Variants in MYO9A observed in about 807,000 individuals in gnomAD.
MYO9A encodes myosin IXA.
A neutral mutation model predicts 293.3 loss-of-function variants in MYO9A; 103 were observed. The observed-to-expected ratio is 0.35, with a 90% CI of 0.30 to 0.41. The LOEUF (loss-of-function observed/expected upper bound fraction) is 0.41. Among genes scored for constraint, MYO9A ranks in the 10% least tolerant of loss-of-function variants. MYO9A has a pLI of 1.00. For synonymous variants in MYO9A, 1,001 were observed against 1,035.7 expected, an observed-to-expected ratio of 0.97 and a Z score of 0.64; for missense variants, 2,685 against 3,033.0, an observed-to-expected ratio of 0.89 and a Z score of 2.69.
At chr15:72,013,829 T>C (rs2077244698) in intron 6 of MYO9A, among the ~76,000 whole-genome samples, 1 of 152,202 alleles carries the variant, frequency 6.6e-6, no homozygotes, top group South Asian at 2.1e-4. Context: ...TTCTTTGAGA[T>C]GGAGTCTCAC....
At chr15:71,994,614 G>GT in intron 9 of MYO9A, 29 bp from the exon 10 acceptor site, 1 of 1,365,132 alleles carries the variant, frequency 7.3e-7, no homozygotes, top group African/African-American at 1.5e-5. Flanking sequence ...ACAAGTGCAT[G>GT]TAGAATTGAC....
chr15:71,999,773 TAA>T, intron 9 of MYO9A, 76 bp downstream of exon 9: 1 of 1,142,632 alleles, frequency 8.8e-7, no homozygotes. Flanking sequence ...TTCATGCTGT[TAA>T]GAGAAAACCC....
intron 38 of MYO9A, among the ~76,000 whole-genome samples, chr15:71,849,712 GC>G (rs1413022246): frequency 2.4e-5 from 1 of 42,538 alleles, no homozygotes; most frequent in Non-Finnish European, 1.8e-4. Context: ...AGGATTCAGA[GC>G]CATTAAGACC....
At chr15:71,926,355 G>A (rs1355493527) in intron 18 of MYO9A, among the ~76,000 whole-genome samples, 1 of 152,128 alleles carries the variant, frequency 6.6e-6, no homozygotes, top group Non-Finnish European at 1.5e-5. Context: ...CTTGAACTGA[G>A]GAGTTCAAGT....
At chr15:72,043,364 T>C (rs2078283990) in intron 2 of MYO9A, among the ~76,000 whole-genome samples, 1 of 152,190 alleles carries the variant, frequency 6.6e-6, no homozygotes, top group South Asian at 2.1e-4. Flanking sequence ...CATTGCTAGA[T>C]ATTTACTGAA....
intron 1 of MYO9A, among the ~76,000 whole-genome samples, chr15:72,103,513 A>AGCAGTG (rs1299433664): frequency 1.4e-5 from 2 of 146,332 alleles, no homozygotes; most frequent in African/African-American, 5.1e-5. Context: ...TGGCAGCAGA[A>AGCAGTG]GCAGCAGAAG....
intron 39 of MYO9A, among the ~76,000 whole-genome samples, chr15:71,845,444 C>T (rs1003345878): frequency 6.6e-6 from 1 of 152,150 alleles, no homozygotes; most frequent in African/African-American, 2.4e-5. Flanking sequence ...GCCCACAGAT[C>T]CCCAGCAAAG....
intron 2 of MYO9A, among the ~76,000 whole-genome samples, chr15:72,038,629 A>G (rs922553805): frequency 2.0e-5 from 3 of 152,174 alleles, no homozygotes; most frequent in African/African-American, 7.2e-5. Context: ...CCTTCATGAC[A>G]ACCAAAAACC....
At chr15:71,899,119 C>T in intron 24 of MYO9A, 87 bp from the exon 25 acceptor site, 1 of 1,253,738 alleles carries the variant, frequency 8.0e-7, no homozygotes, top group Non-Finnish European at 1.1e-6. Context: ...AGAAAAAATG[C>T]AGAGTTGTAA....
Position 71,935,330 on chromosome 15 carries a change from T to C in MYO9A, c.2522+11A>G. 2.5e-6 allele frequency: 4 copies of C among 1,599,430 alleles called. No individual in the cohort carries two copies. Among genetic ancestry groups the C allele is most frequent in the Non-Finnish European group, 3.4e-6 (4 of 1,173,098 alleles). On this transcript the variant is annotated intron_variant, in intron 17 of 41. Coordinates refer to ENST00000356056, the MANE Select transcript of MYO9A (RefSeq NM_006901.4). ...AACAAAAAACAATTTACATTACTGA[T>C]TAGTACTGACGTGAGAATTCCATGG...
At chr15:72,024,342 G>C (rs897387525) in intron 4 of MYO9A, among the ~76,000 whole-genome samples, 2 of 152,176 alleles carry the variant, frequency 1.3e-5, no homozygotes, top group Non-Finnish European at 2.9e-5. Context: ...GGAGTGCAGT[G>C]GCATGATCTC....
chr15:71,971,874 T>C (rs1424024227), intron 12 of MYO9A, among the ~76,000 whole-genome samples: 1 of 151,940 alleles, frequency 6.6e-6, no homozygotes, highest in African/African-American at 2.4e-5. Flanking sequence ...TGGTGTAGTC[T>C]TTTGTTATAA....
At chr15:71,855,135 T>G (rs1028122239) in intron 34 of MYO9A, among the ~76,000 whole-genome samples, 6 of 152,190 alleles carry the variant, frequency 3.9e-5, no homozygotes, top group African/African-American at 1.4e-4. Context: ...TATTCATGCA[T>G]TCATTCATTC....
chr15:71,897,519 T>C lies in MYO9A; in HGVS notation c.4984A>G (p.Arg1662Gly), dbSNP rs2057363375. ...SYSHNSDDLS[R>G]EGNARPIFFT... ...AAAATGGGCCTAGCATTTCCCTCTC[T>C]GGAAAGGTCATCAGAATTGTGGCTG... The change falls in exon 25 of 42, where the codon AGA becomes GGA. Residue 1662 changes from arginine to glycine, a missense_variant. By Grantham distance (125) the Arg-to-Gly change is moderately radical. Around this residue, in one of 10 missense-constraint regions of MYO9A, gnomAD observed 1,434 missense variants for 1,497.7 expected, o/e 0.96. Transcript: ENST00000356056. 1 of 1,614,100 alleles carries C rather than the reference T, an allele frequency of 6.2e-7. No individual in the cohort carries two copies. The highest frequency in any genetic ancestry group is 1.1e-5 in the South Asian group (1 of 91,072).
intron 1 of MYO9A, among the ~76,000 whole-genome samples, chr15:72,090,625 T>G (rs2079875993): frequency 6.6e-6 from 1 of 152,206 alleles, no homozygotes; most frequent in Non-Finnish European, 1.5e-5. Flanking sequence ...AAACATATTT[T>G]CATAATCTCC....
At chr15:72,044,714 C>A (rs867486044) in intron 2 of MYO9A, among the ~76,000 whole-genome samples, 1 of 152,206 alleles carries the variant, frequency 6.6e-6, no homozygotes. Context: ...TTCCCATATT[C>A]TCTACATTAT....
chr15:71,920,070 T>C (rs2058116576), intron 18 of MYO9A, among the ~76,000 whole-genome samples: 2 of 152,112 alleles, frequency 1.3e-5, no homozygotes, highest in South Asian at 2.1e-4. Flanking sequence ...ATAAGGTTTA[T>C]GAAAAAAAGA....
intron 6 of MYO9A, among the ~76,000 whole-genome samples, chr15:72,016,807 G>C (rs2077353359): frequency 6.6e-6 from 1 of 152,074 alleles, no homozygotes; most frequent in South Asian, 2.1e-4. Flanking sequence ...CTTCTAAAGG[G>C]AAAGATGGGT....
chr15:72,005,370 C>G (rs1034854711), intron 8 of MYO9A, among the ~76,000 whole-genome samples: 1 of 151,982 alleles, frequency 6.6e-6, no homozygotes, highest in Non-Finnish European at 1.5e-5. Flanking sequence ...AGTCTCTTAC[C>G]AAAGAAGAAA....
Sources: allele counts gnomAD v4.1 joint callset (sites outside exome capture counted in the v4.1 genomes callset), GRCh38; gene constraint gnomAD v4.1.1; regional missense constraint gnomAD v4.1.1; transcripts MANE v1.5; gene names NCBI Gene and HGNC (gene_info 2026-07-23, HGNC 2026-07-21).